Variants in EXTL3 observed in about 807,000 individuals in gnomAD.
The protein encoded by EXTL3 is exostosin like glycosyltransferase 3.
In EXTL3, 27 loss-of-function variants were observed where a neutral mutation model predicts 69.3. That is an observed-to-expected ratio of 0.39 (90% confidence interval 0.29 to 0.54). EXTL3 has a LOEUF of 0.54. Among genes scored for constraint, EXTL3 ranks in the 20% least tolerant of loss-of-function variants. EXTL3 has a pLI of 0.69. For synonymous variants in EXTL3, 511 were observed against 499.4 expected (o/e 1.02, Z -0.31); for missense variants, 1,003 against 1,231.8 (o/e 0.81, Z 2.78).
intron 1 of EXTL3, among the ~76,000 whole-genome samples, chr8:28,625,505 T>A (rs1353105352): frequency 6.6e-6 from 1 of 152,148 alleles, no homozygotes; most frequent in Non-Finnish European, 1.5e-5. Context: ...TCATGTAATG[T>A]GAGGTTATAG....
At chr8:28,676,916 T>C (rs1353041204) in intron 1 of EXTL3, among the ~76,000 whole-genome samples, 2 of 152,164 alleles carry the variant, frequency 1.3e-5, no homozygotes, top group Non-Finnish European at 2.9e-5. Flanking sequence ...GCATTTCAAA[T>C]CTGGCTTCCC....
chr8:28,609,835 A>G (rs190527263), intron 2 of EXTL3, among the ~76,000 whole-genome samples: 47 of 151,384 alleles, frequency 3.1e-4, no homozygotes, highest in Non-Finnish European at 4.1e-4. Context: ...GGCTGCAGTG[A>G]GCCATGATGG....
At chr8:28,706,333 A>G (rs926525323) in intron 1 of EXTL3, among the ~76,000 whole-genome samples, 1 of 152,208 alleles carries the variant, frequency 6.6e-6, no homozygotes, top group Non-Finnish European at 1.5e-5. Flanking sequence ...TACTAACACA[A>G]GAGTACCTGC....
chr8:28,716,612 T>C lies in EXTL3; in HGVS notation c.553T>C (p.Tyr185His). The change falls in exon 3 of 7, where the codon TAT (tyrosine) becomes CAT (histidine). Residue 185 changes from tyrosine to histidine, a missense_variant. By Grantham distance (83) the Tyr-to-His change is moderately conservative. Coordinates refer to ENST00000220562, the MANE Select transcript of EXTL3 (RefSeq NM_001440.4). This position sits in a 1 kb window ranked among gnomAD's most constrained non-coding sequence, Gnocchi z 7.1. ...CTGCCGGCTACACAACTGCTTTGAT[T>C]ATTCTCGTTGCCCTCTCACCTCTGG... The part of the protein sequence containing the change: ...RGCRLHNCFD[Y>H]SRCPLTSGFP... The C allele has an allele frequency of 1.9e-6, 3 of 1,614,234 alleles. No homozygotes were observed. The highest frequency in any genetic ancestry group is 2.5e-6 in the Non-Finnish European group (3 of 1,180,042).
intron 1 of EXTL3, among the ~76,000 whole-genome samples, chr8:28,684,013 T>C (rs1489998870): frequency 6.6e-6 from 1 of 152,202 alleles, no homozygotes; most frequent in Non-Finnish European, 1.5e-5. Flanking sequence ...CTCCCACAAA[T>C]ACGTGAGACC....
chr8:28,695,817 T>C (rs1183543586), intron 1 of EXTL3, among the ~76,000 whole-genome samples: 1 of 150,586 alleles, frequency 6.6e-6, no homozygotes, highest in Non-Finnish European at 1.5e-5. Context: ...GTGGTGGTGA[T>C]GGGGAGGAGG....
intron 1 of EXTL3, among the ~76,000 whole-genome samples, chr8:28,655,268 A>G (rs184418116): frequency 1.1e-4 from 17 of 152,222 alleles, no homozygotes; most frequent in Admixed American, 9.2e-4. Flanking sequence ...TGACAGAGTG[A>G]GGCACTCTGT....
intron 2 of EXTL3, among the ~76,000 whole-genome samples, chr8:28,608,394 C>T (rs1244119129): frequency 6.6e-6 from 1 of 152,122 alleles, no homozygotes; most frequent in Non-Finnish European, 1.5e-5. Context: ...AGGCTCTCCA[C>T]TTTACTACTA....
rs1299898871 is a variant in EXTL3 at position 28,623,575 on chromosome 8, TC to T, written c.-53+767del. 6.6e-6 allele frequency among the ~76,000 whole-genome samples: 1 copy of T among 152,214 alleles called. No homozygotes were observed. The highest frequency in any genetic ancestry group is 1.5e-5 in the Non-Finnish European group (1 of 68,036). On this transcript the variant is annotated intron_variant, in intron 1 of 6. Coordinates refer to the EXTL3 transcript ENST00000523149. The surrounding 1 kb of genome is among the most constrained non-coding windows in gnomAD (Gnocchi z 4.2). ...GGTAAGCATGTCCTGTCCTGAAGGC[TC>T]CATGCTGAAAGTCTAGACCCCATCT...
intron 1 of EXTL3, among the ~76,000 whole-genome samples, chr8:28,638,692 T>C (rs200968522): frequency 6.6e-6 from 1 of 152,182 alleles, no homozygotes; most frequent in Non-Finnish European, 1.5e-5. Flanking sequence ...AGTGCAGTGG[T>C]GCAATCTCAG....
intron 2 of EXTL3, among the ~76,000 whole-genome samples, chr8:28,714,037 G>C (rs1801089648): frequency 6.6e-6 from 1 of 151,252 alleles, no homozygotes; most frequent in Non-Finnish European, 1.5e-5. Flanking sequence ...CTCCTGAGTA[G>C]CTGGGATTAC....
intron 1 of EXTL3, among the ~76,000 whole-genome samples, chr8:28,672,103 CTG>C (rs1431035634): frequency 1.3e-5 from 2 of 152,088 alleles, no homozygotes; most frequent in African/African-American, 4.8e-5. Flanking sequence ...ATTGTGATAA[CTG>C]TTTGCTTTCC....
At chr8:28,657,143 A>G (rs1201586503) in intron 1 of EXTL3, among the ~76,000 whole-genome samples, 6 of 151,966 alleles carry the variant, frequency 3.9e-5, no homozygotes, top group African/African-American at 9.7e-5. Context: ...AGGTTTCGCC[A>G]TGTTGGCCAG....
Position 28,623,669 on chromosome 8 carries a change from T to G in EXTL3, c.-53+859T>G, listed in dbSNP as rs917978131. On this transcript the variant is annotated intron_variant, in intron 1 of 6. Coordinates refer to the EXTL3 transcript ENST00000523149. The surrounding 1 kb of genome is among the most constrained non-coding windows in gnomAD (Gnocchi z 4.2). ...ATCCTTATCCCCCATGTAACATAAT[T>G]CATGTTTTTAAAGATATGTTTTTAT... Among the ~76,000 whole-genome samples, 2 of 152,236 alleles carry G rather than the reference T, an allele frequency of 1.3e-5. No individual in the cohort carries two copies. The highest frequency in any genetic ancestry group is 6.5e-5 in the Admixed American group (1 of 15,282).
intron 1 of EXTL3, among the ~76,000 whole-genome samples, chr8:28,657,386 C>T (rs1249556774): frequency 2.6e-5 from 4 of 152,252 alleles, no homozygotes; most frequent in African/African-American, 9.6e-5. Flanking sequence ...GCATCCACTG[C>T]CCTTTCTTAC....
chr8:28,658,963 T>C (rs1472459281), intron 1 of EXTL3, among the ~76,000 whole-genome samples: 1 of 152,260 alleles, frequency 6.6e-6, no homozygotes, highest in Admixed American at 6.5e-5. Context: ...TACTCAAGGA[T>C]ATTTGCCTTC....
At chr8:28,677,660 A>G (rs1807409687) in intron 1 of EXTL3, among the ~76,000 whole-genome samples, 1 of 152,198 alleles carries the variant, frequency 6.6e-6, no homozygotes, top group South Asian at 2.1e-4. Flanking sequence ...TCCTCTGTTC[A>G]CTAAAGCTGC....
intron 2 of EXTL3, among the ~76,000 whole-genome samples, chr8:28,615,482 G>A (rs752842602): frequency 2.0e-5 from 3 of 152,154 alleles, no homozygotes; most frequent in Admixed American, 6.5e-5. Flanking sequence ...GAATTGACCC[G>A]TTTGTCGTTA....
intron 1 of EXTL3, among the ~76,000 whole-genome samples, chr8:28,705,970 T>C (rs968220781): frequency 6.6e-6 from 1 of 152,238 alleles, no homozygotes; most frequent in Admixed American, 6.5e-5. Flanking sequence ...TTCAGAAATA[T>C]ATACATATGC....
Sources: gnomAD v4.1 joint callset for allele counts (sites outside exome capture counted in the v4.1 genomes callset) on GRCh38, gnomAD v4.1.1 for gene constraint, Gnocchi (gnomAD v3.1) non-coding constraint, MANE v1.5 for transcripts, NCBI Gene and HGNC (gene_info 2026-07-23, HGNC 2026-07-21) for gene names.